SP100: variants seen among roughly 807,000 people sequenced by gnomAD.
SP100 encodes SP100 nuclear body protein.
SP100 carries 84 observed loss-of-function variants against 130.0 expected under a neutral mutation model. The ratio of observed to expected loss-of-function variants is 0.65; its 90% CI spans 0.54 to 0.77. SP100 has a LOEUF of 0.77. SP100 is among the 30% of genes least tolerant of loss of function. The pLI is 0.00. For synonymous variants in SP100, 331 were observed against 351.7 expected, an observed-to-expected ratio of 0.94 and a Z score of 0.66; for missense variants, 978 against 1,052.2, an observed-to-expected ratio of 0.93 and a Z score of 0.97.
chr2:230,416,377 A>T (rs757456288), intron 1 of SP100, 49 bp downstream of exon 1: 1 of 1,526,920 alleles, frequency 6.5e-7, no homozygotes, highest in South Asian at 1.1e-5. Flanking sequence ...GCTATATTGC[A>T]GCTTTCATGC....
chr2:230,535,701 G>T (rs945438965), intron 24 of SP100, among the ~76,000 whole-genome samples: 1 of 151,598 alleles, frequency 6.6e-6, no homozygotes, highest in Non-Finnish European at 1.5e-5. Flanking sequence ...TGAGGTCAGG[G>T]GTTTGAGTCC....
intron 10 of SP100, among the ~76,000 whole-genome samples, chr2:230,463,351 A>G (rs2064766009): frequency 6.6e-6 from 1 of 152,226 alleles, no homozygotes; most frequent in Admixed American, 6.5e-5. Flanking sequence ...TAACATAAAT[A>G]CTTATCATAA....
At chr2:230,439,881 C>T (rs978663988) in intron 2 of SP100, among the ~76,000 whole-genome samples, 4 of 151,994 alleles carry the variant, frequency 2.6e-5, no homozygotes, top group African/African-American at 9.7e-5. Flanking sequence ...CATTGTTTCC[C>T]TTGTTTTATC....
At chr2:230,439,376 A>G (rs367875897) in intron 2 of SP100, among the ~76,000 whole-genome samples, 3 of 152,230 alleles carry the variant, frequency 2.0e-5, no homozygotes, top group Admixed American at 6.5e-5. Context: ...GAATCTGTAG[A>G]TTGCTTTTGG....
chr2:230,427,392 C>T (rs1022692307), intron 2 of SP100, among the ~76,000 whole-genome samples: 15 of 152,224 alleles, frequency 9.9e-5, no homozygotes, highest in African/African-American at 2.9e-4. Context: ...GAGCTCCCGA[C>T]CTCAAGTGAT....
rs1231660014 is a variant in SP100 at position 230,497,544 on chromosome 2, G to GAGGAAAGGAAAGGAA, written c.1646-857_1646-843dup. On this transcript the variant is annotated intron_variant, in intron 18 of 28. Coordinates refer to ENST00000340126, the MANE Select transcript of SP100 (RefSeq NM_001080391.2). ...GAGGAGAGGAGAGGAGAGGAGAGGAGAGGAAAGGAAAGGAAAGGAAAGGAA... is the reference window on the plus strand; with the variant it reads ...GAGGAGAGGAGAGGAGAGGAGAGGAGAGGAAAGGAAAGGAAAGGAAAGGAAAGGAAAGGAAAGGAA... Among the ~76,000 whole-genome samples, 77 of 19,292 alleles carry GAGGAAAGGAAAGGAA rather than the reference G, an allele frequency of 4.0e-3. 3 individuals are homozygous for GAGGAAAGGAAAGGAA. Among genetic ancestry groups the GAGGAAAGGAAAGGAA allele is most frequent in the Middle Eastern group, 0.022 (1 of 46 alleles). The allele number at this position is 19,292 out of a possible 152,430, so 12.7% of individuals were successfully genotyped here.
intron 24 of SP100, among the ~76,000 whole-genome samples, chr2:230,523,193 C>T (rs76122208): frequency 1.5e-3 from 226 of 152,272 alleles, no homozygotes; most frequent in African/African-American, 4.5e-3. Flanking sequence ...ATAACATATC[C>T]GGGCAAAGTG....
intron 5 of SP100, among the ~76,000 whole-genome samples, chr2:230,448,313 T>C (rs1011576316): frequency 2.6e-5 from 4 of 152,138 alleles, no homozygotes; most frequent in African/African-American, 9.7e-5. Context: ...AAAAATAACC[T>C]TGTCATTAAC....
At chr2:230,425,378 T>C (rs2062895904) in intron 2 of SP100, among the ~76,000 whole-genome samples, 3 of 143,736 alleles carry the variant, frequency 2.1e-5, no homozygotes, top group South Asian at 4.3e-4. Flanking sequence ...TTCCTCGGTC[T>C]GAATCTAATC....
intron 8 of SP100, among the ~76,000 whole-genome samples, chr2:230,455,053 C>T (rs747624304): frequency 1.3e-5 from 2 of 151,858 alleles, no homozygotes; most frequent in Non-Finnish European, 1.5e-5. Context: ...TTCTTTCTTT[C>T]TTTTTGTTTC....
At chr2:230,449,008 G>A (rs2063838293) in intron 5 of SP100, 80 bp from the exon 6 acceptor site, 1 of 908,510 alleles carries the variant, frequency 1.1e-6, no homozygotes, top group Non-Finnish European at 1.9e-6. Context: ...CTACGTTACA[G>A]AGACCAAAAA....
intron 5 of SP100, among the ~76,000 whole-genome samples, chr2:230,448,291 G>A (rs892587444): frequency 6.6e-6 from 1 of 152,144 alleles, no homozygotes; most frequent in Non-Finnish European, 1.5e-5. Flanking sequence ...GTGAAAAGGG[G>A]TAAAAGACAA....
chr2:230,488,892 G>C (rs1465362901), intron 17 of SP100, among the ~76,000 whole-genome samples: 3 of 151,736 alleles, frequency 2.0e-5, no homozygotes, highest in Non-Finnish European at 4.4e-5. Flanking sequence ...TGATGGATAT[G>C]TTTTTTAATG....
At chr2:230,446,307 C>T (rs757527493) in intron 4 of SP100, among the ~76,000 whole-genome samples, 5 of 152,120 alleles carry the variant, frequency 3.3e-5, no homozygotes, top group Non-Finnish European at 7.4e-5. Context: ...TGAGGTCCAG[C>T]TATGTGGCCC....
At chr2:230,459,954 G>A (rs917487185) in intron 8 of SP100, among the ~76,000 whole-genome samples, 9 of 152,270 alleles carry the variant, frequency 5.9e-5, no homozygotes, top group East Asian at 1.9e-4. Context: ...ACGCACCTGC[G>A]CGTTCCCCGT....
intron 2 of SP100, among the ~76,000 whole-genome samples, chr2:230,428,815 C>T (rs980440368): frequency 6.6e-6 from 1 of 152,160 alleles, no homozygotes; most frequent in African/African-American, 2.4e-5. Flanking sequence ...GGGAAATGCA[C>T]CCCCATGATC....
chr2:230,437,701 G>A (rs2063335595), intron 2 of SP100, among the ~76,000 whole-genome samples: 1 of 151,942 alleles, frequency 6.6e-6, no homozygotes, highest in Non-Finnish European at 1.5e-5. Flanking sequence ...TGGGATTACA[G>A]GCATGCACCA....
chr2:230,519,989 T>A (rs1575797679), intron 24 of SP100, among the ~76,000 whole-genome samples: 1 of 152,214 alleles, frequency 6.6e-6, no homozygotes, highest in Non-Finnish European at 1.5e-5. Flanking sequence ...ATGTTTCCCA[T>A]CTTGGTTGTT....
intron 24 of SP100, among the ~76,000 whole-genome samples, chr2:230,527,557 TC>T (rs1266002295): frequency 6.6e-6 from 1 of 152,060 alleles, no homozygotes; most frequent in Non-Finnish European, 1.5e-5. Context: ...AATGACAGGA[TC>T]AAACTCAAAC....
Sources: allele counts gnomAD v4.1 joint callset (sites outside exome capture counted in the v4.1 genomes callset), GRCh38; gene constraint gnomAD v4.1.1; transcripts MANE v1.5; gene names NCBI Gene and HGNC (gene_info 2026-07-23, HGNC 2026-07-21).